ADGRD1: variants seen among roughly 807,000 people sequenced by gnomAD.
The protein encoded by ADGRD1 is adhesion G protein-coupled receptor D1.
In ADGRD1, 77 loss-of-function variants were observed where a neutral mutation model predicts 113.4. The observed-to-expected ratio is 0.68, with a 90% CI of 0.57 to 0.82. The LOEUF is 0.82. ADGRD1 is among the 40% of genes least tolerant of loss of function. The pLI is 0.00. For missense variants in ADGRD1, 1,036 were observed against 1,139.1 expected, an observed-to-expected ratio of 0.91 and a Z score of 1.30; for synonymous variants, 474 against 475.0, an observed-to-expected ratio of 1.00 and a Z score of 0.03.
chr12:131,057,565 G>C lies in ADGRD1; in HGVS notation c.1474-19236G>C, dbSNP rs908818515. On this transcript the variant is annotated intron_variant, in intron 13 of 24. Coordinates refer to ENST00000261654, the MANE Select transcript of ADGRD1 (RefSeq NM_198827.5). This position sits in a 1 kb window ranked among gnomAD's most constrained non-coding sequence, Gnocchi z 4.2. ...CTGTCTCCTAGTAGTCCTGGCCTGC[G>C]GCAGCCAACTCCAGTCTCTGCCCCG... 2.0e-5 allele frequency among the ~76,000 whole-genome samples: 3 copies of C among 152,110 alleles called. No individual in the cohort carries two copies. Among genetic ancestry groups the C allele is most frequent in the Non-Finnish European group, 4.4e-5 (3 of 68,018 alleles).
At chr12:130,996,668 C>G (rs1213431518) in intron 8 of ADGRD1, among the ~76,000 whole-genome samples, 1 of 97,926 alleles carries the variant, frequency 1.0e-5, no homozygotes, top group Non-Finnish European at 2.2e-5. Context: ...CTGACCCCCC[C>G]ACCTCCCTCC....
intron 14 of ADGRD1, among the ~76,000 whole-genome samples, chr12:131,082,073 G>A (rs1483479779): frequency 2.0e-5 from 3 of 151,828 alleles, no homozygotes; most frequent in Non-Finnish European, 2.9e-5. Context: ...TTTTTTATGT[G>A]TTTTTTCAAT....
At chr12:131,083,129 C>G (rs1426998650) in intron 14 of ADGRD1, among the ~76,000 whole-genome samples, 2 of 152,194 alleles carry the variant, frequency 1.3e-5, no homozygotes, top group Non-Finnish European at 2.9e-5. Flanking sequence ...CATGCTGACA[C>G]CGCAGTTGAA....
intron 15 of ADGRD1, among the ~76,000 whole-genome samples, chr12:131,098,704 G>A (rs1007166081): frequency 2.0e-5 from 3 of 152,276 alleles, no homozygotes; most frequent in East Asian, 1.9e-4. Flanking sequence ...AGTCACCTCC[G>A]CCACCGCCCC....
At chr12:131,086,415 G>A (rs1421029033) in intron 15 of ADGRD1, among the ~76,000 whole-genome samples, 1 of 152,198 alleles carries the variant, frequency 6.6e-6, no homozygotes, top group Non-Finnish European at 1.5e-5. Flanking sequence ...CGAGTCCACT[G>A]CGACACAGTC....
chr12:131,016,308 C>T (rs762328730), intron 13 of ADGRD1, among the ~76,000 whole-genome samples: 8 of 152,262 alleles, frequency 5.3e-5, no homozygotes, highest in South Asian at 2.1e-4. Flanking sequence ...CCCCCCTGCC[C>T]GCAGTGGCCT....
chr12:131,091,326 C>T (rs11061322), intron 15 of ADGRD1, among the ~76,000 whole-genome samples: 2,857 of 152,220 alleles, frequency 0.019, 91 homozygotes, highest in African/African-American at 0.065. Flanking sequence ...AGAATATTGA[C>T]ATTATTTATA....
Position 131,108,894 on chromosome 12 carries a change from A to G in ADGRD1, c.2041+17A>G. ...TGGGATGGGGTAGGTGGGGCAGGGC[A>G]GGTGGGATGGCGGGGCGGGAGGGAC... is the stretch of plus-strand genomic sequence containing the variant. On this transcript the variant is annotated intron_variant, in intron 18 of 24. Transcript: ENST00000261654. 2 of 410,938 alleles carry G rather than the reference A, an allele frequency of 4.9e-6. No homozygotes were observed. The highest frequency in any genetic ancestry group is 4.4e-6 in the Non-Finnish European group (1 of 229,688). The allele number at this position is 410,938 out of a possible 1,614,324, so 25.5% of individuals were successfully genotyped here.
intron 15 of ADGRD1, among the ~76,000 whole-genome samples, chr12:131,101,601 T>TGGTC (rs146906487): frequency 2.0e-5 from 3 of 152,188 alleles, no homozygotes; most frequent in Non-Finnish European, 4.4e-5. Context: ...TTGGCCAGAC[T>TGGTC]GGTCTCAAAC....
chr12:131,077,071 C>T (rs1044857396), intron 14 of ADGRD1, among the ~76,000 whole-genome samples, 197 bp downstream of exon 14: 4 of 152,166 alleles, frequency 2.6e-5, no homozygotes, highest in African/African-American at 9.7e-5. Context: ...CCAGACCATG[C>T]GAGGAGGGGC....
intron 13 of ADGRD1, among the ~76,000 whole-genome samples, chr12:131,032,422 G>C (rs1880880625): frequency 6.6e-6 from 1 of 152,228 alleles, no homozygotes; most frequent in Non-Finnish European, 1.5e-5. Flanking sequence ...TTGGTACCCT[G>C]GAAGTACATG....
chr12:131,092,464 C>T (rs1171381819), intron 15 of ADGRD1, among the ~76,000 whole-genome samples: 1 of 152,198 alleles, frequency 6.6e-6, no homozygotes, highest in Non-Finnish European at 1.5e-5. Context: ...CAAGGCTGCA[C>T]CCAGTGGGAA....
intron 13 of ADGRD1, 60 bp from the exon 14 acceptor site, chr12:131,076,741 C>A: frequency 6.9e-7 from 1 of 1,445,258 alleles, no homozygotes; most frequent in Non-Finnish European, 9.7e-7. Context: ...CACATCAGTG[C>A]TGAGAACCAG....
intron 21 of ADGRD1, among the ~76,000 whole-genome samples, chr12:131,134,741 G>A (rs953301130): frequency 2.6e-5 from 4 of 152,214 alleles, no homozygotes; most frequent in African/African-American, 4.8e-5. Flanking sequence ...CACCTCCTCC[G>A]GGGAGGTGCC....
At chr12:131,015,816 G>A (rs1005548456) in intron 13 of ADGRD1, among the ~76,000 whole-genome samples, 5 of 152,130 alleles carry the variant, frequency 3.3e-5, no homozygotes, top group African/African-American at 4.8e-5. Context: ...AGCAGCCTCC[G>A]CGTGTTCTGT....
chr12:130,984,030 T>C lies in ADGRD1; in HGVS notation c.490+1967T>C, dbSNP rs890963889. ...AATGAGCAGGGAGGTTGGTCTTCCC[T>C]CTACCAACTCACTCCCATGTTGGTT... is the stretch of plus-strand genomic sequence containing the variant. On this transcript the variant is annotated intron_variant, in intron 5 of 24. Coordinates refer to ENST00000261654, the MANE Select transcript of ADGRD1 (RefSeq NM_198827.5). This position sits in a 1 kb window ranked among gnomAD's most constrained non-coding sequence, Gnocchi z 4.1. Among the ~76,000 whole-genome samples the C allele has an allele frequency of 6.6e-6, 1 of 152,222 alleles. No homozygotes were observed. The highest frequency in any genetic ancestry group is 1.5e-5 in the Non-Finnish European group (1 of 68,038).
intron 13 of ADGRD1, chr12:131,070,876 G>A (rs779838902): frequency 2.1e-5 from 11 of 519,054 alleles, no homozygotes; most frequent in Admixed American, 1.4e-4. Context: ...TGCACGGGAC[G>A]TCCTGGAGAG....
chr12:130,964,612 G>A (rs1470325343), intron 2 of ADGRD1, among the ~76,000 whole-genome samples: 2 of 152,210 alleles, frequency 1.3e-5, no homozygotes, highest in South Asian at 2.1e-4. Context: ...TTGAACCCAG[G>A]AGGCGGAGGT....
rs1885515720 is a variant in ADGRD1, at chr12:131,075,379, GACAC to G, written c.1474-1420_1474-1417del. ...CCCTCTGTGGTCCTGGTGGCTGCAG[GACAC>G]AGGGCCCTCTGTTGTCTGTGCAAGA... On this transcript the variant is annotated intron_variant, in intron 13 of 24. Coordinates refer to ENST00000261654, the MANE Select transcript of ADGRD1 (RefSeq NM_198827.5). This position sits in a 1 kb window ranked among gnomAD's most constrained non-coding sequence, Gnocchi z 5.3. Among the ~76,000 whole-genome samples, 1 of 151,954 alleles carries G rather than the reference GACAC, an allele frequency of 6.6e-6. No individual in the cohort carries two copies. Among genetic ancestry groups the G allele is most frequent in the Non-Finnish European group, 1.5e-5 (1 of 67,990 alleles).
Sources: gnomAD v4.1 joint callset for allele counts (sites outside exome capture counted in the v4.1 genomes callset) on GRCh38, gnomAD v4.1.1 for gene constraint, Gnocchi (gnomAD v3.1) non-coding constraint, MANE v1.5 for transcripts, NCBI Gene and HGNC (gene_info 2026-07-23, HGNC 2026-07-21) for gene names.